Variants in ADGRB3 observed in about 807,000 individuals in gnomAD.
ADGRB3 encodes the protein adhesion G protein-coupled receptor B3, also known as brain-specific angiogenesis inhibitor 3.
Under a neutral mutation model 193.4 loss-of-function variants are expected in ADGRB3, and 37 were observed. The observed-to-expected ratio is 0.19, with a 90% CI of 0.15 to 0.25. The LOEUF (loss-of-function observed/expected upper bound fraction) is 0.25. ADGRB3 is among the 10% of genes least tolerant of loss of function. ADGRB3 has a pLI of 1.00. For synonymous variants in ADGRB3, 690 were observed against 644.2 expected (o/e 1.07, Z -1.08); for missense variants, 1,637 against 1,852.9 (o/e 0.88, Z 2.14).
rs144075554 is a variant in ADGRB3, at chr6:69,328,653, T to C, written c.3035+764T>C. Among the ~76,000 whole-genome samples the C allele has an allele frequency of 4.6e-3, 708 of 152,278 alleles. 10 individuals carry two copies. Among genetic ancestry groups the C allele is most frequent in the South Asian group, 0.024 (115 of 4,828 alleles). On this transcript the variant is annotated intron_variant, in intron 22 of 31. Transcript: ENST00000370598. ...AGGAATCACTGCCAATTAGACCCTC[T>C]GATAGGTTCGTACAAATTGTAAACA...
chr6:69,224,766 T>C (rs1160424658), intron 17 of ADGRB3, among the ~76,000 whole-genome samples: 1 of 152,170 alleles, frequency 6.6e-6, no homozygotes. Context: ...TTGTCTGTTT[T>C]TTAAAATGTC....
At chr6:68,700,615 C>T (rs1003167402) in intron 3 of ADGRB3, among the ~76,000 whole-genome samples, 4 of 151,864 alleles carry the variant, frequency 2.6e-5, no homozygotes, top group Non-Finnish European at 5.9e-5. Flanking sequence ...ATAGAAACCC[C>T]TTTACAACTA....
rs904889674 is a variant in ADGRB3, at chr6:68,850,176, T to A, written c.758-80383T>A. On this transcript the variant is annotated intron_variant, in intron 3 of 31. Coordinates refer to ENST00000370598, the MANE Select transcript of ADGRB3 (RefSeq NM_001704.3). ...TGTATATAACTGGATTCAGTGTGCC[T>A]CACCATTTCATTTTACCATGGATTC... Among the ~76,000 whole-genome samples, 3 of 152,094 alleles carry A rather than the reference T, an allele frequency of 2.0e-5. No homozygotes were observed. In the East Asian group the frequency reaches 5.8e-4, roughly 29 times the overall value.
chr6:68,673,736 T>A (rs998281850), intron 3 of ADGRB3, among the ~76,000 whole-genome samples: 2 of 152,108 alleles, frequency 1.3e-5, no homozygotes, highest in Non-Finnish European at 2.9e-5. Context: ...CAGACCCTTA[T>A]TTTTTGTTAC....
intron 20 of ADGRB3, among the ~76,000 whole-genome samples, chr6:69,253,522 C>T (rs564744657): frequency 1.2e-3 from 188 of 152,100 alleles, no homozygotes; most frequent in African/African-American, 4.4e-3. Flanking sequence ...GATGAGGATG[C>T]TGAGAAAGAA....
intron 20 of ADGRB3, among the ~76,000 whole-genome samples, chr6:69,303,331 G>C (rs1024998724): frequency 2.0e-5 from 3 of 151,776 alleles, no homozygotes; most frequent in Admixed American, 6.6e-5. Flanking sequence ...TGTCCCTAAA[G>C]TTACACCGAG....
At chr6:68,967,508 C>A (rs1232881564) in intron 8 of ADGRB3, among the ~76,000 whole-genome samples, 1 of 152,064 alleles carries the variant, frequency 6.6e-6, no homozygotes, top group Non-Finnish European at 1.5e-5. Flanking sequence ...CTGGAAACAT[C>A]TTTTGACTAA....
intron 20 of ADGRB3, among the ~76,000 whole-genome samples, chr6:69,281,206 G>A (rs1038400181): frequency 1.4e-4 from 22 of 152,256 alleles, no homozygotes; most frequent in Non-Finnish European, 1.8e-4. Flanking sequence ...CTGGTCAAAT[G>A]TGTCCTGAAA....
intron 16 of ADGRB3, among the ~76,000 whole-genome samples, chr6:69,070,281 A>G (rs1772042468): frequency 6.6e-6 from 1 of 152,198 alleles, no homozygotes; most frequent in Non-Finnish European, 1.5e-5. Context: ...GCATTCAAAA[A>G]TCTGAATAAA....
At chr6:69,249,395 C>G (rs185551252) in intron 20 of ADGRB3, among the ~76,000 whole-genome samples, 2 of 152,150 alleles carry the variant, frequency 1.3e-5, no homozygotes, top group Non-Finnish European at 2.9e-5. Flanking sequence ...CACAACCAAG[C>G]TGGACATTTT....
chr6:68,982,638 C>T (rs967232194), intron 10 of ADGRB3, among the ~76,000 whole-genome samples: 5 of 152,298 alleles, frequency 3.3e-5, no homozygotes, highest in Admixed American at 1.3e-4. Context: ...GTTCCCAAAG[C>T]TCTTAAAGGA....
intron 29 of ADGRB3, among the ~76,000 whole-genome samples, chr6:69,371,004 C>T (rs1217760166): frequency 2.6e-5 from 4 of 151,928 alleles, no homozygotes; most frequent in African/African-American, 4.8e-5. Context: ...GATGTCACCA[C>T]GGCGAGGCTG....
At chr6:68,928,226 CTT>C (rs1209388516) in intron 3 of ADGRB3, among the ~76,000 whole-genome samples, 3 of 152,088 alleles carry the variant, frequency 2.0e-5, no homozygotes, top group Admixed American at 2.0e-4. Flanking sequence ...GAATGTGACA[CTT>C]TTAAAATCAT....
At chr6:69,255,057 A>C (rs1454886606) in intron 20 of ADGRB3, among the ~76,000 whole-genome samples, 2 of 151,144 alleles carry the variant, frequency 1.3e-5, no homozygotes, top group Non-Finnish European at 3.0e-5. Flanking sequence ...TTATGGCTGC[A>C]TAGTATTCCA....
Position 68,828,493 on chromosome 6 carries a change from ATGTTCAC to A in ADGRB3, c.758-102063_758-102057del, listed in dbSNP as rs1411018679. On this transcript the variant is annotated intron_variant, in intron 3 of 31. Coordinates refer to ENST00000370598, the MANE Select transcript of ADGRB3 (RefSeq NM_001704.3). ...TATAATATTTACTCACCAAAATAAA[ATGTTCAC>A]TGGTCTCTAAAAGTGTTTAGGGTAG... Among the ~76,000 whole-genome samples, 7 of 152,182 alleles carry A rather than the reference ATGTTCAC, an allele frequency of 4.6e-5. No homozygotes were observed. The East Asian group carries it at 1.3e-3, about 29-fold the overall frequency.
At chr6:68,811,227 G>C (rs2127375689) in intron 3 of ADGRB3, among the ~76,000 whole-genome samples, 1 of 152,108 alleles carries the variant, frequency 6.6e-6, no homozygotes, top group South Asian at 2.1e-4. Flanking sequence ...TTAAGCCACA[G>C]TTTTTATCAT....
intron 3 of ADGRB3, among the ~76,000 whole-genome samples, chr6:68,928,618 T>C (rs1185127777): frequency 2.0e-5 from 3 of 152,196 alleles, no homozygotes; most frequent in Non-Finnish European, 4.4e-5. Context: ...CAGCCTATTA[T>C]CATGCTGCCA....
chr6:69,099,885 A>G (rs1772984482), intron 17 of ADGRB3, among the ~76,000 whole-genome samples: 1 of 152,216 alleles, frequency 6.6e-6, no homozygotes, highest in Non-Finnish European at 1.5e-5. Context: ...AGATTTACAT[A>G]TAGAATATGA....
intron 3 of ADGRB3, among the ~76,000 whole-genome samples, chr6:68,791,502 A>T (rs188857685): frequency 1.3e-5 from 2 of 152,106 alleles, no homozygotes; most frequent in African/African-American, 4.8e-5. Flanking sequence ...GGAAAATTCA[A>T]TTTCCTCCTG....
Sources: allele counts gnomAD v4.1 joint callset (sites outside exome capture counted in the v4.1 genomes callset), GRCh38; gene constraint gnomAD v4.1.1; transcripts MANE v1.5; gene names NCBI Gene and HGNC (gene_info 2026-07-23, HGNC 2026-07-21).